Variants in NALF1 observed in about 807,000 individuals in gnomAD.
NALF1 encodes NALCN channel auxiliary factor 1.
Under a neutral mutation model 48.4 loss-of-function variants are expected in NALF1, and 3 were observed. The observed-to-expected ratio is 0.06, with a 90% CI of 0.03 to 0.16. The LOEUF (loss-of-function observed/expected upper bound fraction) is 0.16. Ranked by LOEUF, NALF1 falls within the 10% of genes least tolerant of loss-of-function variation. NALF1 has a pLI of 1.00. For missense variants in NALF1, 526 were observed against 571.5 expected, an observed-to-expected ratio of 0.92 and a Z score of 0.81; for synonymous variants, 262 against 245.7, an observed-to-expected ratio of 1.07 and a Z score of -0.62.
chr13:107,390,092 G>A (rs753120876), intron 1 of NALF1, among the ~76,000 whole-genome samples: 20 of 152,148 alleles, frequency 1.3e-4, no homozygotes, highest in South Asian at 1.2e-3. Flanking sequence ...ATTATTGGCC[G>A]GGCAACATGG....
chr13:107,228,651 G>C (rs116260837), intron 1 of NALF1, among the ~76,000 whole-genome samples: 1 of 151,944 alleles, frequency 6.6e-6, no homozygotes, highest in Non-Finnish European at 1.5e-5. Flanking sequence ...ACAGAGTCTC[G>C]CTCTGTTGCC....
chr13:107,327,242 G>A (rs1346589415), intron 1 of NALF1, among the ~76,000 whole-genome samples: 1 of 152,114 alleles, frequency 6.6e-6, no homozygotes, highest in Non-Finnish European at 1.5e-5. Flanking sequence ...AGAAAGGGGA[G>A]CCTGGCACCT....
At chr13:107,780,010 T>G (rs1209762010) in intron 1 of NALF1, among the ~76,000 whole-genome samples, 1 of 151,816 alleles carries the variant, frequency 6.6e-6, no homozygotes, top group African/African-American at 2.4e-5. Context: ...TATTACTTTG[T>G]TCTCTATCTC....
At chr13:107,707,567 C>CT (rs929437440) in intron 1 of NALF1, among the ~76,000 whole-genome samples, 1 of 152,210 alleles carries the variant, frequency 6.6e-6, no homozygotes, top group African/African-American at 2.4e-5. Context: ...CGACTCCCTA[C>CT]TTTAAATAAG....
rs147521180 is a variant in NALF1, at chr13:107,578,521, T to C, written c.915+287161A>G. 5.8e-3 allele frequency among the ~76,000 whole-genome samples: 877 copies of C among 152,296 alleles called. 4 individuals carry two copies. Among genetic ancestry groups the C allele is most frequent in the Middle Eastern group, 0.037 (11 of 294 alleles). On this transcript the variant is annotated intron_variant, in intron 1 of 2. Coordinates refer to ENST00000375915, the MANE Select transcript of NALF1 (RefSeq NM_001080396.3). ...GAATTCTGTCTCAAAACTTCTTTTA[T>C]ATCCTCTACCACAACAACCTCAGCC...
intron 1 of NALF1, among the ~76,000 whole-genome samples, chr13:107,528,623 C>T (rs763629983): frequency 3.0e-4 from 46 of 152,066 alleles, no homozygotes; most frequent in Non-Finnish European, 5.3e-4. Context: ...TCTCCAGGTG[C>T]GCAAGCCAGA....
chr13:107,739,892 A>C (rs1302044402), intron 1 of NALF1, among the ~76,000 whole-genome samples: 3 of 152,202 alleles, frequency 2.0e-5, no homozygotes, highest in South Asian at 4.1e-4. Flanking sequence ...GTTGTGTGCT[A>C]CTTATGAGAA....
intron 1 of NALF1, among the ~76,000 whole-genome samples, chr13:107,659,690 T>C (rs1880677331): frequency 6.6e-6 from 1 of 151,986 alleles, no homozygotes; most frequent in South Asian, 2.1e-4. Flanking sequence ...TACTTTTAAA[T>C]TTATAAATGA....
At position 107,253,213 on chromosome 13, in the gene NALF1, CCTT is replaced by C. The variant is rs147829684; in HGVS notation, c.916-42461_916-42459del. Among the ~76,000 whole-genome samples, 3 of 147,024 alleles carry C rather than the reference CCTT, an allele frequency of 2.0e-5. No homozygotes were observed. In the East Asian group the frequency reaches 5.9e-4, roughly 29 times the overall value. The stretch of plus-strand genomic sequence containing the variant: ...TGCAGTAATCCCTTCTTTCCTTGTT[CCTT>C]CTTATATACTTTCAGAGTTATTTCT... On this transcript the variant is annotated intron_variant, in intron 1 of 2. Transcript: ENST00000375915.
At chr13:107,729,579 C>G (rs1280873416) in intron 1 of NALF1, among the ~76,000 whole-genome samples, 2 of 151,978 alleles carry the variant, frequency 1.3e-5, no homozygotes, top group Admixed American at 6.6e-5. Flanking sequence ...CAGGTTCAAG[C>G]GATTCTCCTG....
intron 1 of NALF1, among the ~76,000 whole-genome samples, chr13:107,359,908 A>C (rs865775048): frequency 2.8e-4 from 43 of 151,948 alleles, no homozygotes; most frequent in African/African-American, 1.0e-3. Flanking sequence ...CATCAGTTCT[A>C]CTCCACTGTC....
chr13:107,350,175 C>A (rs76100567), intron 1 of NALF1, among the ~76,000 whole-genome samples: 7,133 of 152,234 alleles, frequency 0.047, 220 homozygotes, highest in African/African-American at 0.073. Flanking sequence ...CAATACTGCT[C>A]CTTGGAACTG....
chr13:107,628,486 G>T (rs369175868), intron 1 of NALF1, among the ~76,000 whole-genome samples: 73 of 152,222 alleles, frequency 4.8e-4, no homozygotes, highest in African/African-American at 1.7e-3. Flanking sequence ...GGAAACTGAG[G>T]CCACTGGCAA....
At chr13:107,393,822 A>G (rs1883666714) in intron 1 of NALF1, among the ~76,000 whole-genome samples, 1 of 152,224 alleles carries the variant, frequency 6.6e-6, no homozygotes, top group Non-Finnish European at 1.5e-5. Context: ...AAAACTCTAT[A>G]TAACTCTAGG....
intron 1 of NALF1, among the ~76,000 whole-genome samples, chr13:107,734,700 GT>G (rs1876415298): frequency 6.6e-6 from 1 of 152,048 alleles, no homozygotes; most frequent in Non-Finnish European, 1.5e-5. Flanking sequence ...TATTCATAAA[GT>G]ACAGATAATG....
intron 1 of NALF1, among the ~76,000 whole-genome samples, chr13:107,287,574 G>A (rs57596070): frequency 0.063 from 9,562 of 151,952 alleles, 347 homozygotes; most frequent in Middle Eastern, 0.11. Context: ...TTACCTATAC[G>A]GAATTCTGAT....
intron 2 of NALF1, among the ~76,000 whole-genome samples, chr13:107,181,638 T>C (rs1368173205): frequency 2.0e-5 from 3 of 149,966 alleles, no homozygotes; most frequent in African/African-American, 7.3e-5. Flanking sequence ...CAAATGTTAG[T>C]ATTGGATAAC....
At position 107,321,954 on chromosome 13, in the gene NALF1, C is replaced by G. The variant is rs575455332; in HGVS notation, c.916-111199G>C. Among the ~76,000 whole-genome samples the G allele has an allele frequency of 3.3e-5, 5 of 152,164 alleles. No individual in the cohort carries two copies. In the South Asian group the frequency reaches 6.2e-4, roughly 19 times the overall value. On this transcript the variant is annotated intron_variant, in intron 1 of 2. Coordinates refer to ENST00000375915, the MANE Select transcript of NALF1 (RefSeq NM_001080396.3). ...TTTCCTCTCTTCTCTATTAATGGAG[C>G]CTTAACCCCTTAGTTTCTGGTTTGT...
intron 1 of NALF1, among the ~76,000 whole-genome samples, chr13:107,844,242 T>C (rs1403887016): frequency 1.3e-5 from 2 of 151,710 alleles, no homozygotes; most frequent in Non-Finnish European, 2.9e-5. Flanking sequence ...AAAATACAGA[T>C]AAGAAAATCT....
Sources: allele counts gnomAD v4.1 joint callset (sites outside exome capture counted in the v4.1 genomes callset), GRCh38; gene constraint gnomAD v4.1.1; transcripts MANE v1.5; gene names NCBI Gene and HGNC (gene_info 2026-07-23, HGNC 2026-07-21).